FNBP1L: variants seen among roughly 807,000 people sequenced by gnomAD.
The protein encoded by FNBP1L is formin-binding protein 1-like.
In FNBP1L, 36 loss-of-function variants were observed where a neutral mutation model predicts 91.2. The observed-to-expected ratio is 0.39, with a 90% CI of 0.30 to 0.52. FNBP1L has a LOEUF of 0.52. Ranked by LOEUF, FNBP1L falls within the 20% of genes least tolerant of loss-of-function variation. FNBP1L has a pLI of 0.66. For missense variants in FNBP1L, 571 were observed against 732.1 expected (o/e 0.78, Z 2.54); for synonymous variants, 242 against 237.0 (o/e 1.02, Z -0.19).
chr1:93,551,186 A>G, intron 16 of FNBP1L, 81 bp downstream of exon 16: 1 of 1,422,628 alleles, frequency 7.0e-7, no homozygotes, highest in Non-Finnish European at 9.3e-7. Context: ...ATGAAAACAC[A>G]TTCAACAGGT....
intron 5 of FNBP1L, among the ~76,000 whole-genome samples, chr1:93,528,278 A>G (rs912756798): frequency 3.9e-5 from 6 of 152,130 alleles, no homozygotes; most frequent in Non-Finnish European, 7.4e-5. Flanking sequence ...AACACTTTGG[A>G]GAGAGAGAAG....
chr1:93,515,897 T>C (rs1207381023), intron 2 of FNBP1L, among the ~76,000 whole-genome samples: 1 of 151,814 alleles, frequency 6.6e-6, no homozygotes, highest in Non-Finnish European at 1.5e-5. Context: ...ACATGTACCC[T>C]AAAACTTAAG....
At chr1:93,551,314 T>G in intron 16 of FNBP1L, 1 of 1,244,842 alleles carries the variant, frequency 8.0e-7, no homozygotes, top group Non-Finnish European at 1.0e-6. Flanking sequence ...CTTTACTGTT[T>G]GAGTAACGTT....
chr1:93,528,347 G>A (rs1671557324), intron 5 of FNBP1L, among the ~76,000 whole-genome samples: 1 of 152,062 alleles, frequency 6.6e-6, no homozygotes, highest in Non-Finnish European at 1.5e-5. Context: ...TTATACAATG[G>A]GTCAGGAATC....
intron 15 of FNBP1L, 85 bp from the exon 16 acceptor site, chr1:93,550,862 T>A (rs910193744): frequency 3.9e-6 from 5 of 1,270,842 alleles, no homozygotes; most frequent in Non-Finnish European, 5.2e-6. Context: ...CTAGTAGGGT[T>A]TCATTGTATT....
At chr1:93,502,405 A>T (rs549509698) in intron 2 of FNBP1L, among the ~76,000 whole-genome samples, 234 of 152,310 alleles carry the variant, frequency 1.5e-3, no homozygotes, top group African/African-American at 5.5e-3. Context: ...AATTTATAAG[A>T]TTAAAAAAAA....
intron 1 of FNBP1L, among the ~76,000 whole-genome samples, chr1:93,466,104 C>T (rs879734367): frequency 6.6e-6 from 1 of 151,958 alleles, no homozygotes; most frequent in Non-Finnish European, 1.5e-5. Context: ...GATATTAGCC[C>T]TTAGTCAGAT....
At chr1:93,485,189 C>T (rs1669858138) in intron 1 of FNBP1L, among the ~76,000 whole-genome samples, 1 of 150,054 alleles carries the variant, frequency 6.7e-6, no homozygotes, top group Admixed American at 6.6e-5. Context: ...GTAGTAGGAT[C>T]TCCCACATTA....
intron 6 of FNBP1L, 112 bp downstream of exon 6, chr1:93,529,868 A>G (rs886512894): frequency 9.4e-6 from 6 of 640,048 alleles, no homozygotes; most frequent in African/African-American, 2.0e-5. Flanking sequence ...GATACACTGT[A>G]TCTAAGTCTA....
At chr1:93,467,830 T>A (rs1669143176) in intron 1 of FNBP1L, among the ~76,000 whole-genome samples, 1 of 152,146 alleles carries the variant, frequency 6.6e-6, no homozygotes, top group South Asian at 2.1e-4. Flanking sequence ...TCCCAGCTAC[T>A]CTTGAGGGTG....
intron 2 of FNBP1L, among the ~76,000 whole-genome samples, chr1:93,506,814 A>G (rs1052516086): frequency 6.6e-6 from 1 of 152,166 alleles, no homozygotes; most frequent in Non-Finnish European, 1.5e-5. Flanking sequence ...TTTTTACTGA[A>G]ACTCAAAAGT....
At chr1:93,459,950 T>TGTGTGC (rs1481344891) in intron 1 of FNBP1L, among the ~76,000 whole-genome samples, 2 of 139,214 alleles carry the variant, frequency 1.4e-5, no homozygotes, top group African/African-American at 5.9e-5. Context: ...GATGTGTGTG[T>TGTGTGC]GTGTGTGTGT....
In FNBP1L at chr1:93,499,505, G is replaced by C; in HGVS notation, c.62G>C (p.Gly21Ala). The C allele has an allele frequency of 6.2e-7, 1 of 1,605,348 alleles. No individual in the cohort carries two copies. Among genetic ancestry groups the C allele is most frequent in the East Asian group, 2.2e-5 (1 of 44,734 alleles). Residue 21 changes from glycine to alanine, a missense_variant, in exon 2 of 17, where the codon GGA becomes GCA. Transcript: ENST00000271234. Reference protein sequence around the residue: ...FDSLDKHTQWGIDFLERYAKF... With the variant: ...FDSLDKHTQWAIDFLERYAKF... ...AGCTTAGACAAGCATACACAATGGG[G>C]AATTGACTTCTTGGAAAGATATGCC...
At chr1:93,532,659 C>G (rs1189176060) in intron 7 of FNBP1L, among the ~76,000 whole-genome samples, 1 of 151,894 alleles carries the variant, frequency 6.6e-6, no homozygotes, top group African/African-American at 2.4e-5. Context: ...GTAAGGGGTC[C>G]TTTTAGAAGG....
chr1:93,548,097 T>TA (rs1452099968), intron 14 of FNBP1L, among the ~76,000 whole-genome samples: 1 of 152,126 alleles, frequency 6.6e-6, no homozygotes, highest in Non-Finnish European at 1.5e-5. Context: ...GGTTTGTTAG[T>TA]AAAAAAGTAA....
intron 1 of FNBP1L, among the ~76,000 whole-genome samples, chr1:93,463,511 A>G (rs886121788): frequency 9.9e-5 from 15 of 152,188 alleles, no homozygotes; most frequent in Admixed American, 2.0e-4. Context: ...TTATGTAACC[A>G]TCTGTATTAA....
chr1:93,473,013 C>G (rs1209264892), intron 1 of FNBP1L, among the ~76,000 whole-genome samples: 1 of 151,898 alleles, frequency 6.6e-6, no homozygotes, highest in Non-Finnish European at 1.5e-5. Context: ...GCACTTGCTG[C>G]TAGAAAACTT....
chr1:93,486,175 C>CT lies in FNBP1L; in HGVS notation c.25-13292dup, dbSNP rs763161541. Among the ~76,000 whole-genome samples, 5 of 152,230 alleles carry CT rather than the reference C, an allele frequency of 3.3e-5. 1 individual carries two copies. The highest frequency in any genetic ancestry group is 2.6e-4 in the Admixed American group (4 of 15,288). ...TAGAGTTTTTAGTATACTAAAAGCT[C>CT]TAAGTGAACATGGAAAATGTTAGCC... On this transcript the variant is annotated intron_variant, in intron 1 of 16. Transcript: ENST00000271234.
chr1:93,551,704 A>G, intron 16 of FNBP1L: 1 of 984,824 alleles, frequency 1.0e-6, no homozygotes, highest in Non-Finnish European at 1.2e-6. Context: ...TAATCTATTT[A>G]AGTAGATTTA....
Sources: gnomAD v4.1 joint callset for allele counts (sites outside exome capture counted in the v4.1 genomes callset) on GRCh38, gnomAD v4.1.1 for gene constraint, MANE v1.5 for transcripts, NCBI Gene and HGNC (gene_info 2026-07-23, HGNC 2026-07-21) for gene names.